The following CAST variants were observed in gnomAD, a reference collection of about 807,000 sequenced individuals.
The protein encoded by CAST is calpastatin.
CAST carries 76 observed loss-of-function variants against 119.6 expected under a neutral mutation model. The observed-to-expected ratio is 0.64, with a 90% CI of 0.53 to 0.77. CAST has a LOEUF of 0.77. CAST is among the 30% of genes least tolerant of loss of function. The pLI is 0.00. For missense variants in CAST, 953 were observed against 946.5 expected (o/e 1.01, Z -0.09); for synonymous variants, 319 against 331.6 (o/e 0.96, Z 0.41).
chr5:96,305,021 A>G, the CAST span, among the ~76,000 whole-genome samples: 1 of 152,312 alleles, frequency 6.6e-6, no homozygotes, highest in South Asian at 2.1e-4. Flanking sequence ...ATAGCATTGA[A>G]TCTATAAATT....
chr5:96,126,288 A>C, the CAST span, among the ~76,000 whole-genome samples: 1 of 152,214 alleles, frequency 6.6e-6, no homozygotes, highest in Admixed American at 6.6e-5. Context: ...ATTTGTGGGG[A>C]AGCTATACTG....
At chr5:96,617,527 T>C (rs6872277) in intron 1 of CAST, among the ~76,000 whole-genome samples, 3,638 of 152,090 alleles carry the variant, frequency 0.024, 60 homozygotes, top group South Asian at 0.048. Flanking sequence ...CGGTGGCTCA[T>C]GCCTGTAATC....
At chr5:96,561,809 T>TTGTTTTTTTTTTGAGACGGAGTC in intron 1 of CAST, among the ~76,000 whole-genome samples, 1 of 128,486 alleles carries the variant, frequency 7.8e-6, no homozygotes, top group East Asian at 2.2e-4. Flanking sequence ...TTTTTTTTTT[T>TTGTTTTTTTTTTGAGACGGAGTC]TGAGACGGAG....
chr5:96,478,179 T>C, the CAST span, among the ~76,000 whole-genome samples: 1 of 152,248 alleles, frequency 6.6e-6, no homozygotes, highest in African/African-American at 2.4e-5. Context: ...AGTCCTTTCC[T>C]CATACCTTTA....
intron 1 of CAST, among the ~76,000 whole-genome samples, chr5:96,536,874 G>A (rs534200200): frequency 9.2e-5 from 14 of 152,164 alleles, no homozygotes; most frequent in Middle Eastern, 3.4e-3. Context: ...AGAATATAAC[G>A]TGTGATTTAA....
At chr5:96,289,786 A>C in the CAST span, among the ~76,000 whole-genome samples, 10 of 152,226 alleles carry the variant, frequency 6.6e-5, no homozygotes, top group Admixed American at 3.3e-4. Context: ...GTCATCATGC[A>C]CAATCCTCAG....
chr5:96,466,109 G>T, the CAST span, among the ~76,000 whole-genome samples: 2 of 152,012 alleles, frequency 1.3e-5, no homozygotes, highest in Admixed American at 6.6e-5. Context: ...AGTAATTTTA[G>T]AATTTCTAAC....
At chr5:96,016,948 T>C in the CAST span, among the ~76,000 whole-genome samples, 1 of 148,976 alleles carries the variant, frequency 6.7e-6, no homozygotes, top group Non-Finnish European at 1.5e-5. Context: ...ACCATTCTCC[T>C]GCCTCAGCCT....
chr5:96,537,871 C>A (rs919717514), intron 1 of CAST, among the ~76,000 whole-genome samples: 1 of 152,096 alleles, frequency 6.6e-6, no homozygotes, highest in African/African-American at 2.4e-5. Context: ...AGGGGGGGAG[C>A]AAAATTATAT....
At chr5:96,212,519 G>T in the CAST span, among the ~76,000 whole-genome samples, 3 of 152,204 alleles carry the variant, frequency 2.0e-5, no homozygotes, top group Admixed American at 2.0e-4. Flanking sequence ...TCTCAGTATA[G>T]GTTCCATGGG....
chr5:96,319,037 T>A, the CAST span: 1 of 152,278 alleles, frequency 6.6e-6, no homozygotes, highest in Non-Finnish European at 1.5e-5. Context: ...TTCTGCAGGC[T>A]GTAGAAGCAT....
At chr5:96,591,615 G>A (rs1057032355) in intron 1 of CAST, among the ~76,000 whole-genome samples, 2 of 152,172 alleles carry the variant, frequency 1.3e-5, no homozygotes, top group Admixed American at 1.3e-4. Context: ...AGAACAATGA[G>A]GAAGAGAGCT....
the CAST span, among the ~76,000 whole-genome samples, chr5:96,051,296 A>G: frequency 6.6e-6 from 1 of 152,088 alleles, no homozygotes; most frequent in African/African-American, 2.4e-5. Flanking sequence ...TTTAAACAAC[A>G]ATATATGTGG....
At chr5:96,021,830 G>T in the CAST span, among the ~76,000 whole-genome samples, 1 of 152,124 alleles carries the variant, frequency 6.6e-6, no homozygotes, top group African/African-American at 2.4e-5. Context: ...CATCTCAAAA[G>T]AATTACTCAT....
chr5:96,672,759 TA>T (rs1199828140), intron 1 of CAST, among the ~76,000 whole-genome samples: 1 of 151,320 alleles, frequency 6.6e-6, no homozygotes, highest in Non-Finnish European at 1.5e-5. Flanking sequence ...CATGAAGTTC[TA>T]AAAAAGTTGG....
At chr5:96,549,429 G>A (rs1449126971) in intron 1 of CAST, among the ~76,000 whole-genome samples, 1 of 152,186 alleles carries the variant, frequency 6.6e-6, no homozygotes, top group Non-Finnish European at 1.5e-5. Context: ...TTAAACTGAA[G>A]ATGGCCAAAT....
the CAST span, among the ~76,000 whole-genome samples, chr5:96,065,013 T>C: frequency 2.0e-5 from 3 of 152,174 alleles, no homozygotes; most frequent in Non-Finnish European, 2.9e-5. Flanking sequence ...GGTATATTTC[T>C]GGATTAAACA....
the CAST span, chr5:96,392,097 G>A: frequency 1.3e-5 from 2 of 151,764 alleles, no homozygotes; most frequent in Non-Finnish European, 2.9e-5. Context: ...TATTACATTA[G>A]GTCTCCATGT....
the CAST span, among the ~76,000 whole-genome samples, chr5:96,046,643 T>C: frequency 2.0e-5 from 3 of 152,206 alleles, no homozygotes; most frequent in Non-Finnish European, 4.4e-5. Flanking sequence ...GCAAGAAACT[T>C]CTTTACTTAT....
Sources: allele counts gnomAD v4.1 joint callset (sites outside exome capture counted in the v4.1 genomes callset), GRCh38; gene constraint gnomAD v4.1.1; transcripts MANE v1.5; gene names NCBI Gene and HGNC (gene_info 2026-07-23, HGNC 2026-07-21).